PPP6R3: variants seen among roughly 807,000 people sequenced by gnomAD.
PPP6R3 encodes serine/threonine-protein phosphatase 6 regulatory subunit 3.
Under a neutral mutation model 110.7 loss-of-function variants are expected in PPP6R3, and 38 were observed. The ratio of observed to expected loss-of-function variants is 0.34; its 90% confidence interval spans 0.26 to 0.45. PPP6R3 has a LOEUF of 0.45. PPP6R3 is among the 20% of genes least tolerant of loss of function. The pLI is 1.00. For synonymous variants in PPP6R3, 369 were observed against 373.5 expected, an observed-to-expected ratio of 0.99 and a Z score of 0.14; for missense variants, 870 against 1,062.4, an observed-to-expected ratio of 0.82 and a Z score of 2.52.
At position 68,523,827 on chromosome 11, in the gene PPP6R3, C is replaced by T. The variant is rs187374057; in HGVS notation, c.-7+4176C>T. Among the ~76,000 whole-genome samples the T allele has an allele frequency of 5.4e-5, 8 of 147,792 alleles. No individual in the cohort carries two copies. In the East Asian group the frequency reaches 1.6e-3, roughly 30 times the overall value. On this transcript the variant is annotated intron_variant, in intron 2 of 23. Coordinates refer to ENST00000393800, the MANE Select transcript of PPP6R3 (RefSeq NM_001164161.2). The stretch of plus-strand genomic sequence containing the variant: ...TTCCTAAATCGTTTAAGTTTTTTGT[C>T]TTTTCATGAATTGTTGGCGTTCTTG...
intron 16 of PPP6R3, 121 bp downstream of exon 16, chr11:68,588,145 C>A: frequency 1.2e-6 from 1 of 840,284 alleles, no homozygotes; most frequent in Non-Finnish European, 2.0e-6. Context: ...CCTGCTCTTT[C>A]CACGGTGTTC....
chr11:68,603,722 C>G (rs2099638816), intron 22 of PPP6R3, among the ~76,000 whole-genome samples: 1 of 152,188 alleles, frequency 6.6e-6, no homozygotes, highest in East Asian at 1.9e-4. Flanking sequence ...TATTTTACAT[C>G]TAGCAGTTTG....
chr11:68,561,347 G>T (rs796897518), intron 8 of PPP6R3, among the ~76,000 whole-genome samples: 1 of 151,848 alleles, frequency 6.6e-6, no homozygotes, highest in Admixed American at 6.6e-5. Flanking sequence ...TGATCCTTCC[G>T]CCTCAGCCTC....
chr11:68,572,547 A>G (rs1315139554), intron 12 of PPP6R3, among the ~76,000 whole-genome samples: 1 of 152,124 alleles, frequency 6.6e-6, no homozygotes, highest in Non-Finnish European at 1.5e-5. Flanking sequence ...GACTCTGAGC[A>G]ACTCAGTGAA....
chr11:68,607,979 G>T (rs1941223838), intron 22 of PPP6R3, among the ~76,000 whole-genome samples: 1 of 150,476 alleles, frequency 6.6e-6, no homozygotes, highest in African/African-American at 2.5e-5. Context: ...TTGTGGCCCA[G>T]GCTGATCTCA....
At chr11:68,576,803 C>T (rs534339783) in intron 14 of PPP6R3, among the ~76,000 whole-genome samples, 32 of 152,116 alleles carry the variant, frequency 2.1e-4, no homozygotes, top group Non-Finnish European at 4.1e-4. Flanking sequence ...TCAAATTTGG[C>T]AGTGGCAGTC....
chr11:68,548,306 G>A, intron 5 of PPP6R3, 102 bp downstream of exon 5: 1 of 1,423,808 alleles, frequency 7.0e-7, no homozygotes, highest in Non-Finnish European at 9.5e-7. Flanking sequence ...ATTAGGGTTG[G>A]TAGCAGAGGG....
intron 3 of PPP6R3, among the ~76,000 whole-genome samples, chr11:68,544,570 C>T (rs527748964): frequency 1.3e-5 from 2 of 152,366 alleles, no homozygotes; most frequent in East Asian, 3.9e-4. Context: ...CATGACCTCT[C>T]TGGGCTTCTG....
At chr11:68,504,316 A>G (rs940208823) in intron 1 of PPP6R3, among the ~76,000 whole-genome samples, 8 of 152,098 alleles carry the variant, frequency 5.3e-5, no homozygotes, top group African/African-American at 1.9e-4. Context: ...TGGGTCTGGT[A>G]TAGGCCACAC....
intron 1 of PPP6R3, among the ~76,000 whole-genome samples, chr11:68,506,266 T>C (rs527620150): frequency 7.3e-5 from 11 of 151,034 alleles, no homozygotes; most frequent in African/African-American, 2.7e-4. Flanking sequence ...CCACCACGCC[T>C]GGCTAATTTT....
intron 8 of PPP6R3, among the ~76,000 whole-genome samples, chr11:68,560,294 A>C (rs1264254676): frequency 6.6e-6 from 1 of 152,236 alleles, no homozygotes; most frequent in Non-Finnish European, 1.5e-5. Flanking sequence ...AAAATCAATA[A>C]AATTGATAAA....
At chr11:68,611,940 CATG>C (rs2153979880) in intron 23 of PPP6R3, among the ~76,000 whole-genome samples, 1 of 152,360 alleles carries the variant, frequency 6.6e-6, no homozygotes, top group South Asian at 2.1e-4. Context: ...TGCATTGCCA[CATG>C]ATCTCACTTT....
chr11:68,537,826 C>G lies in PPP6R3; in HGVS notation c.162C>G (p.Leu54=). The change falls in exon 3 of 24, where the codon CTC becomes CTG. Residue 54 remains leucine (L), a synonymous_variant. Transcript: ENST00000393800. The stretch of plus-strand genomic sequence containing the variant: ...AGTTTCTGTTAAAAGCAGAATGTCT[C>G]GAAGATTTAGTCTCATTCATTATAG... ...LIEFLLKAEC[L]EDLVSFIIEE... is the part of the protein sequence containing the mutation. 2 of 1,613,960 alleles carry G rather than the reference C, an allele frequency of 1.2e-6. No homozygotes were observed. The highest frequency in any genetic ancestry group is 1.1e-5 in the South Asian group (1 of 91,072).
At chr11:68,552,280 A>G (rs1254158153) in intron 6 of PPP6R3, among the ~76,000 whole-genome samples, 3 of 152,188 alleles carry the variant, frequency 2.0e-5, no homozygotes, top group Admixed American at 2.0e-4. Context: ...TGCAGGTTAG[A>G]TGGGAGAGCG....
chr11:68,591,493 G>A (rs2099595248), intron 17 of PPP6R3, 83 bp from the exon 18 acceptor site: 4 of 1,327,332 alleles, frequency 3.0e-6, no homozygotes, highest in Non-Finnish European at 4.0e-6. Context: ...GTGAAAAAAT[G>A]CAATTTACAT....
intron 2 of PPP6R3, among the ~76,000 whole-genome samples, chr11:68,536,173 C>CT (rs2099269738): frequency 6.6e-6 from 1 of 151,750 alleles, no homozygotes; most frequent in African/African-American, 2.4e-5. Flanking sequence ...TCTATGATCT[C>CT]TATTTAAAAA....
intron 2 of PPP6R3, among the ~76,000 whole-genome samples, chr11:68,527,755 G>A (rs1234485436): frequency 6.6e-6 from 1 of 152,222 alleles, no homozygotes; most frequent in Non-Finnish European, 1.5e-5. Context: ...TTCACACACA[G>A]CCCTTTGTGG....
intron 1 of PPP6R3, among the ~76,000 whole-genome samples, chr11:68,498,108 A>G (rs949517696): frequency 6.6e-6 from 1 of 152,180 alleles, no homozygotes; most frequent in Admixed American, 6.5e-5. Flanking sequence ...CAGTATAAAC[A>G]CCTTAGAATA....
At chr11:68,565,640 A>C (rs1414650806) in intron 9 of PPP6R3, among the ~76,000 whole-genome samples, 1 of 152,010 alleles carries the variant, frequency 6.6e-6, no homozygotes, top group Non-Finnish European at 1.5e-5. Flanking sequence ...TGGCCCACCC[A>C]TCTTCTTTCT....
Sources: allele counts gnomAD v4.1 joint callset (sites outside exome capture counted in the v4.1 genomes callset), GRCh38; gene constraint gnomAD v4.1.1; transcripts MANE v1.5; gene names NCBI Gene and HGNC (gene_info 2026-07-23, HGNC 2026-07-21).